The following MTERF4 variants were observed in gnomAD, a reference collection of about 807,000 sequenced individuals.
MTERF4 encodes the protein transcription termination factor 4, mitochondrial.
MTERF4 carries 17 observed loss-of-function variants against 22.5 expected under a neutral mutation model. That is an observed-to-expected ratio of 0.75 (90% confidence interval 0.52 to 1.13). The LOEUF (loss-of-function observed/expected upper bound fraction) is 1.13. MTERF4 is among the 50% of genes most tolerant of loss of function. MTERF4 has a pLI of 0.00. For missense variants in MTERF4, 420 were observed against 466.8 expected (o/e 0.90, Z 0.92); for synonymous variants, 165 against 175.3 (o/e 0.94, Z 0.47).
the MTERF4 span, chr2:241,065,236 G>A: frequency 5.1e-6 from 8 of 1,564,020 alleles, no homozygotes; most frequent in Non-Finnish European, 7.0e-6. Flanking sequence ...GCCGACGGGA[G>A]CCAGGCATGC....
At chr2:241,098,814 C>A (rs1187901962) in intron 2 of MTERF4, among the ~76,000 whole-genome samples, 1 of 152,158 alleles carries the variant, frequency 6.6e-6, no homozygotes, top group Admixed American at 6.5e-5. Flanking sequence ...ACCATATGCC[C>A]ACCACTGCAC....
the MTERF4 span, chr2:241,053,144 G>C: frequency 1.2e-6 from 2 of 1,607,116 alleles, no homozygotes; most frequent in Admixed American, 1.7e-5. Context: ...AGGCTGCCGT[G>C]CCTTGCAGAG....
At chr2:241,064,110 T>G in the MTERF4 span, 3 of 1,561,782 alleles carry the variant, frequency 1.9e-6, no homozygotes, top group Non-Finnish European at 2.6e-6. The surrounding 1 kb of genome is among the most constrained non-coding windows in gnomAD (Gnocchi z 7.0). Flanking sequence ...CTTCTTCGGC[T>G]ACCACTGCGA....
Position 241,073,471 on chromosome 2 carries a change from A to T in MTERF4, n.2691T>A, listed in dbSNP as rs1305526716. ...CCCACGGTGAGGAATCAGGAGGCAC[A>T]GAGCCTACCTGAGGGGAGGCTGAGC... On this transcript the variant is annotated non_coding_transcript_exon_variant, in exon 5 of 5. Transcript: ENST00000464344. The surrounding 1 kb of genome is among the most constrained non-coding windows in gnomAD (Gnocchi z 6.6). The T allele has an allele frequency of 1.1e-6, 1 of 917,528 alleles. No individual in the cohort carries two copies. Among genetic ancestry groups the T allele is most frequent in the Admixed American group, 2.0e-5 (1 of 49,648 alleles). The allele number at this position is 917,528 out of a possible 1,614,324, so 56.8% of individuals were successfully genotyped here.
intron 1 of MTERF4, among the ~76,000 whole-genome samples, chr2:241,100,400 A>T (rs1312148602): frequency 6.6e-6 from 1 of 152,136 alleles, no homozygotes; most frequent in Non-Finnish European, 1.5e-5. Context: ...CCTCCTCTTC[A>T]GCCTAAAGAC....
chr2:241,049,795 A>G, the MTERF4 span: 2 of 1,588,776 alleles, frequency 1.3e-6, no homozygotes, highest in Non-Finnish European at 1.7e-6. Context: ...CTCCAGGACC[A>G]CCCTCTGTCC....
the MTERF4 span, chr2:241,049,131 C>G: frequency 5.6e-6 from 9 of 1,610,872 alleles, no homozygotes; most frequent in Non-Finnish European, 7.6e-6. Context: ...ACAATGCCAG[C>G]CACTGTGAGT....
chr2:241,071,889 G>C (rs920075317), downstream of MTERF4: 5 of 1,590,572 alleles, frequency 3.1e-6, no homozygotes, highest in African/African-American at 1.3e-5. Context: ...GTGAGTGCCA[G>C]GGCCTCCCCA....
chr2:241,049,275 C>G, the MTERF4 span: 4 of 635,118 alleles, frequency 6.3e-6, no homozygotes, highest in African/African-American at 5.5e-5. Context: ...GGAAGCCTCT[C>G]TCAATAGCCT....
chr2:241,061,876 GAAAA>G, the MTERF4 span, among the ~76,000 whole-genome samples: 7 of 149,456 alleles, frequency 4.7e-5, no homozygotes, highest in Non-Finnish European at 1.0e-4. Flanking sequence ...AAGAAAAAAA[GAAAA>G]CAAAAAAAGG....
intron 2 of MTERF4, chr2:241,099,096 TGA>T: frequency 4.3e-6 from 1 of 230,022 alleles, no homozygotes; most frequent in Non-Finnish European, 8.0e-6. Context: ...TTTTTTTTTT[TGA>T]GACAGCCTTG....
chr2:241,044,143 AAAAG>A, the MTERF4 span, among the ~76,000 whole-genome samples: 3 of 152,356 alleles, frequency 2.0e-5, no homozygotes, highest in East Asian at 1.9e-4. Flanking sequence ...AGAGAGGAAA[AAAAG>A]AAAGAAGTGG....
chr2:241,069,786 C>A, downstream of MTERF4: 1 of 1,042,848 alleles, frequency 9.6e-7, no homozygotes, highest in Non-Finnish European at 1.4e-6. The surrounding 1 kb of genome is among the most constrained non-coding windows in gnomAD (Gnocchi z 4.9). Flanking sequence ...CGCCTCGGCA[C>A]TGTACCATTC....
chr2:241,065,534 G>A, the MTERF4 span: 2 of 1,612,812 alleles, frequency 1.2e-6, no homozygotes, highest in African/African-American at 1.3e-5. Context: ...TCTTCTCAGT[G>A]AAGCGAAACA....
At chr2:241,066,681 A>T in the MTERF4 span, among the ~76,000 whole-genome samples, 1 of 152,192 alleles carries the variant, frequency 6.6e-6, no homozygotes, top group Non-Finnish European at 1.5e-5. Flanking sequence ...AGCATCCAGC[A>T]GGGCCCTGCG....
chr2:241,053,672 C>T, the MTERF4 span, among the ~76,000 whole-genome samples: 9 of 152,292 alleles, frequency 5.9e-5, no homozygotes, highest in African/African-American at 2.2e-4. Flanking sequence ...GATTCAGGAC[C>T]TACCTCTTAC....
At chr2:241,071,754 G>T, downstream of MTERF4, 1 of 1,507,112 alleles carries the variant, frequency 6.6e-7, no homozygotes, top group Non-Finnish European at 8.9e-7. Context: ...CATCGCCCGA[G>T]GCGGCGCTCG....
intron 3 of MTERF4, 154 bp downstream of exon 3, chr2:241,097,089 A>G (rs2064470714): frequency 1.2e-6 from 1 of 836,902 alleles, no homozygotes; most frequent in Admixed American, 2.6e-5. Flanking sequence ...CTTCTTATCC[A>G]TATAACTGAC....
downstream of MTERF4, chr2:241,070,323 G>A (rs1303040860): frequency 2.9e-6 from 3 of 1,039,196 alleles, no homozygotes; most frequent in Admixed American, 2.8e-5. Flanking sequence ...AAACAGGACC[G>A]TGTTAGCAGG....
Sources: gnomAD v4.1 joint callset for allele counts (sites outside exome capture counted in the v4.1 genomes callset) on GRCh38, gnomAD v4.1.1 for gene constraint, Gnocchi (gnomAD v3.1) non-coding constraint, MANE v1.5 for transcripts, NCBI Gene and HGNC (gene_info 2026-07-23, HGNC 2026-07-21) for gene names.